The following TLE3 variants were observed in gnomAD, a reference collection of about 807,000 sequenced individuals.
TLE3 encodes TLE family member 3, transcriptional corepressor.
TLE3 carries 14 observed loss-of-function variants against 93.0 expected under a neutral mutation model. The observed-to-expected ratio is 0.15, with a 90% CI of 0.10 to 0.24. The LOEUF is 0.24. Ranked by LOEUF, TLE3 falls within the 10% of genes least tolerant of loss-of-function variation. The pLI, the probability that TLE3 is intolerant of heterozygous loss-of-function variation, is 1.00. For missense variants in TLE3, 693 were observed against 1,046.6 expected, an observed-to-expected ratio of 0.66 and a Z score of 4.66; for synonymous variants, 451 against 425.0, an observed-to-expected ratio of 1.06 and a Z score of -0.75.
intron 6 of TLE3, among the ~76,000 whole-genome samples, chr15:70,070,672 G>A (rs574246481): frequency 9.2e-5 from 14 of 152,214 alleles, no homozygotes; most frequent in East Asian, 3.9e-4. Context: ...GAACAGGCTC[G>A]GGAGGCTGAA....
rs544054629 is a variant in TLE3 at position 70,056,351 on chromosome 15, C to T, written c.1275G>A (p.Pro425=). The change falls in exon 14 of 20, where the codon CCG becomes CCA. Residue 425 remains proline, a synonymous_variant. Coordinates refer to ENST00000451782, the MANE Select transcript of TLE3 (RefSeq NM_001105192.3). ...FGAVGFDPHP[P]MRATGLPSSL... ...TTGAGGGGAGGCCTGTGGCCCGCAT[C>T]GGGGGGTGAGGGTCAAAACCAACCT... 4.3e-5 allele frequency: 69 copies of T among 1,613,370 alleles called. No homozygotes were observed. Among genetic ancestry groups the T allele is most frequent in the South Asian group, 6.6e-5 (6 of 91,082 alleles).
intron 16 of TLE3, chr15:70,053,605 G>C (rs1032721457): frequency 3.4e-6 from 1 of 296,826 alleles, no homozygotes; most frequent in Non-Finnish European, 6.0e-6. Flanking sequence ...CCTGGGAAAT[G>C]GGGGGGGGAG....
chr15:70,055,574 C>A, intron 14 of TLE3: 3 of 359,548 alleles, frequency 8.3e-6, no homozygotes, highest in Non-Finnish European at 1.5e-5. Context: ...CCCTTTCCCA[C>A]GATCCATACA....
At chr15:70,075,954 T>A in intron 5 of TLE3, 142 bp downstream of exon 5, 1 of 730,136 alleles carries the variant, frequency 1.4e-6, no homozygotes, top group Middle Eastern at 2.5e-4. Context: ...GCTCTGGAAA[T>A]CTCCAGGTTG....
chr15:70,065,335 C>T lies in TLE3; in HGVS notation c.577+679G>A, dbSNP rs947001747. ...AATGAACCACTCCTGAGGCCAAGCT[C>T]GGTGCAGCTTCATGGGTCCTCATGG... On this transcript the variant is annotated intron_variant, in intron 7 of 19. Transcript: ENST00000451782. 3.3e-5 allele frequency among the ~76,000 whole-genome samples: 5 copies of T among 152,344 alleles called. No homozygotes were observed. In the East Asian group the frequency reaches 5.8e-4, roughly 18 times the overall value.
chr15:70,052,894 A>G, intron 17 of TLE3: 1 of 331,820 alleles, frequency 3.0e-6, no homozygotes, highest in Non-Finnish European at 5.5e-6. Context: ...TACGCCTTTT[A>G]GAGGGATCAT....
Position 70,050,208 on chromosome 15 carries a change from G to A in TLE3, c.2203-4C>T. 1.2e-6 allele frequency: 2 copies of A among 1,611,646 alleles called. No homozygotes were observed. The highest frequency in any genetic ancestry group is 1.7e-6 in the Non-Finnish European group (2 of 1,177,734). Reference sequence around the variant, plus strand: ...AGACAGACGAGGATTCTTTAGACTGGAGGAGGAAGACGAGGAGAAGCAGCA... The same window carrying A: ...AGACAGACGAGGATTCTTTAGACTGAAGGAGGAAGACGAGGAGAAGCAGCA... On this transcript the variant is annotated splice_polypyrimidine_tract_variant and splice_region_variant and intron_variant, in intron 19 of 19. Transcript: ENST00000451782.
chr15:70,060,020 GCT>G (rs1235962548), intron 9 of TLE3, among the ~76,000 whole-genome samples: 8 of 152,152 alleles, frequency 5.3e-5, no homozygotes, highest in African/African-American at 1.9e-4. Context: ...CTCTGTCCCA[GCT>G]CTCAGCCCTG....
At position 70,052,390 on chromosome 15, in the gene TLE3, G is replaced by C. The variant is rs1244174488; in HGVS notation, c.2109C>G (p.Leu703=). 3 of 1,613,634 alleles carry C rather than the reference G, an allele frequency of 1.9e-6. No homozygotes were observed. The highest frequency in any genetic ancestry group is 2.5e-6 in the Non-Finnish European group (3 of 1,179,896). Residue 703 remains leucine (L), a synonymous_variant, in exon 18 of 20, where the codon CTC becomes CTG. Transcript: ENST00000451782. The part of the protein sequence containing the change: ...LHLHESCVLS[L]KFAYCGKWFV... ...AAGGCTCACCGCAGTAGGCGAACTTGAGGGAGAGCACGCAGCTCTCGTGCA... is the reference window on the plus strand; with the variant it reads ...AAGGCTCACCGCAGTAGGCGAACTTCAGGGAGAGCACGCAGCTCTCGTGCA...
chr15:70,063,812 G>A (rs1441007447), intron 8 of TLE3, among the ~76,000 whole-genome samples: 3 of 152,198 alleles, frequency 2.0e-5, no homozygotes, highest in Admixed American at 6.5e-5. Context: ...ACACGCAGGC[G>A]GCCTGGCCTT....
At chr15:70,081,343 G>A (rs2057768301) in intron 4 of TLE3, among the ~76,000 whole-genome samples, 1 of 152,242 alleles carries the variant, frequency 6.6e-6, no homozygotes, top group South Asian at 2.1e-4. Context: ...GACCAGCAGA[G>A]AAGAGCCAAG....
chr15:70,054,275 A>G, intron 16 of TLE3, 163 bp downstream of exon 16: 1 of 1,008,668 alleles, frequency 9.9e-7, no homozygotes, highest in Non-Finnish European at 1.4e-6. Context: ...TCCCTCGCAT[A>G]AGGCAGGCGG....
chr15:70,056,166 G>A (rs1032123476), intron 14 of TLE3, 132 bp downstream of exon 14: 1 of 1,007,774 alleles, frequency 9.9e-7, no homozygotes, highest in Non-Finnish European at 1.5e-6. Flanking sequence ...TAGAGGGACA[G>A]ATACCTTTCC....
chr15:70,061,892 A>G (rs1595894127), intron 8 of TLE3, among the ~76,000 whole-genome samples: 1 of 152,224 alleles, frequency 6.6e-6, no homozygotes, highest in Non-Finnish European at 1.5e-5. Context: ...GGTCATATGG[A>G]GACCCAGAGG....
chr15:70,061,510 C>T (rs748578245), intron 8 of TLE3, among the ~76,000 whole-genome samples: 1 of 152,078 alleles, frequency 6.6e-6, no homozygotes, highest in Non-Finnish European at 1.5e-5. Context: ...GGGAAGATGA[C>T]GGAGTAGTCC....
intron 1 of TLE3, 171 bp downstream of exon 1, chr15:70,096,604 T>G: frequency 1.3e-6 from 2 of 1,538,462 alleles, no homozygotes; most frequent in Non-Finnish European, 1.7e-6. Context: ...CGCGCGGAAT[T>G]AACCTCCTCT....
Position 70,064,463 on chromosome 15 carries a change from T to G in TLE3, c.585A>C (p.Glu195Asp). 1 of 1,613,882 alleles carries G rather than the reference T, an allele frequency of 6.2e-7. No homozygotes were observed. Residue 195 changes from glutamate to aspartate, a missense_variant, in exon 8 of 20, where the codon GAA (glutamate) becomes GAC (aspartate). Glu to Asp is a conservative substitution (Grantham distance 45, BLOSUM62 2). Transcript: ENST00000451782. ...NHHELDHRER[E>D]SSANNSVSPS... ...GAGTGCCAACACTTACCGCACTGGATTCTCTCTCTTTGGGGAAAGAAGGCC... is the reference window on the plus strand; with the variant it reads ...GAGTGCCAACACTTACCGCACTGGAGTCTCTCTCTTTGGGGAAAGAAGGCC...
intron 3 of TLE3, 91 bp downstream of exon 3, chr15:70,095,487 G>A: frequency 6.5e-7 from 1 of 1,546,816 alleles, no homozygotes; most frequent in African/African-American, 1.4e-5. Flanking sequence ...GGCGGTGGTG[G>A]GGACCTGGCG....
In TLE3 at chr15:70,054,565, C is replaced by A; in HGVS notation, c.1699G>T (p.Ala567Ser). ...GCGGGAGCCGAGGACGTCAGCTCGG[C>A]CTTGATGCGGGGCGTGGGCGAGGCC... ...DLASPTPRIKAELTSSAPACY... is the reference protein window; with the variant it reads ...DLASPTPRIKSELTSSAPACY... Residue 567 changes from alanine (A) to serine (S), a missense_variant, in exon 16 of 20, where the codon GCC becomes TCC. Around this residue, in one of 4 missense-constraint regions of TLE3, gnomAD observed 153 missense variants for 379.9 expected, o/e 0.40. Transcript: ENST00000451782. 6.2e-7 allele frequency: 1 copy of A among 1,613,940 alleles called. No individual in the cohort carries two copies. The highest frequency in any genetic ancestry group is 8.5e-7 in the Non-Finnish European group (1 of 1,179,870).
Sources: gnomAD v4.1 joint callset for allele counts (sites outside exome capture counted in the v4.1 genomes callset) on GRCh38, gnomAD v4.1.1 for gene constraint, gnomAD v4.1.1 regional missense constraint, MANE v1.5 for transcripts, NCBI Gene and HGNC (gene_info 2026-07-23, HGNC 2026-07-21) for gene names.